Variants in PTPRT observed in about 807,000 individuals in gnomAD.
PTPRT encodes the protein receptor-type tyrosine-protein phosphatase T.
In PTPRT, 56 loss-of-function variants were observed where a neutral mutation model predicts 176.8. The ratio of observed to expected loss-of-function variants is 0.32; its 90% CI spans 0.26 to 0.40. The LOEUF is 0.40. Among genes scored for constraint, PTPRT ranks in the 10% least tolerant of loss-of-function variants. The pLI is 1.00. For synonymous variants in PTPRT, 783 were observed against 739.0 expected, an observed-to-expected ratio of 1.06 and a Z score of -0.96; for missense variants, 1,540 against 1,908.2, an observed-to-expected ratio of 0.81 and a Z score of 3.60.
chr20:43,189,376 G>A lies in PTPRT; in HGVS notation c.88+270C>T, dbSNP rs900555988. Among the ~76,000 whole-genome samples, 5 of 152,202 alleles carry A rather than the reference G, an allele frequency of 3.3e-5. No individual in the cohort carries two copies. Among genetic ancestry groups the A allele is most frequent in the Non-Finnish European group, 7.3e-5 (5 of 68,030 alleles). On this transcript the variant is annotated intron_variant, in intron 1 of 30. Coordinates refer to ENST00000373187, the MANE Select transcript of PTPRT (RefSeq NM_007050.6). The surrounding 1 kb of genome is among the most constrained non-coding windows in gnomAD (Gnocchi z 5.0). ...GAAATATTCGCAACAACCGCGGAAA[G>A]TTACTCCAGCCCGGGGGGCCGGCAG... is the stretch of plus-strand genomic sequence containing the variant.
intron 2 of PTPRT, among the ~76,000 whole-genome samples, chr20:42,878,444 A>G (rs1195779701): frequency 6.6e-6 from 1 of 152,226 alleles, no homozygotes; most frequent in Non-Finnish European, 1.5e-5. Context: ...GCCATCATAA[A>G]TCATGACTGC....
chr20:42,499,103 A>T lies in PTPRT; in HGVS notation c.1154-26541T>A, dbSNP rs1487037745. ...TAGCCTCAAATGGCATTTTAAGGAGATACTCATGACATTTGAACTCACAGC... is the reference window on the plus strand; with the variant it reads ...TAGCCTCAAATGGCATTTTAAGGAGTTACTCATGACATTTGAACTCACAGC... On this transcript the variant is annotated intron_variant, in intron 7 of 30. Coordinates refer to ENST00000373187, the MANE Select transcript of PTPRT (RefSeq NM_007050.6). 9.2e-5 allele frequency among the ~76,000 whole-genome samples: 14 copies of T among 152,044 alleles called. 1 individual carries two copies. Among genetic ancestry groups the T allele is most frequent in the Admixed American group, 9.2e-4 (14 of 15,254 alleles).
intron 2 of PTPRT, among the ~76,000 whole-genome samples, chr20:42,884,312 C>A (rs1013318253): frequency 6.6e-6 from 1 of 152,160 alleles, no homozygotes; most frequent in South Asian, 2.1e-4. Flanking sequence ...TGTATCAACA[C>A]TTTTGAGAAA....
intron 11 of PTPRT, among the ~76,000 whole-genome samples, chr20:42,321,560 T>G (rs747870003): frequency 6.6e-6 from 1 of 152,210 alleles, no homozygotes; most frequent in Non-Finnish European, 1.5e-5. Flanking sequence ...AAAGCATTAA[T>G]ACATAATTAC....
chr20:42,225,028 G>A (rs2055974333), intron 15 of PTPRT, among the ~76,000 whole-genome samples: 1 of 152,126 alleles, frequency 6.6e-6, no homozygotes, highest in South Asian at 2.1e-4. Flanking sequence ...AAATGACATT[G>A]TCTTCCTTTG....
chr20:42,628,152 T>C (rs1480657520), intron 7 of PTPRT, among the ~76,000 whole-genome samples: 1 of 152,130 alleles, frequency 6.6e-6, no homozygotes, highest in South Asian at 2.1e-4. Context: ...TAGGCAACTC[T>C]GGGCCTCCAC....
At chr20:42,472,936 G>A (rs1568911062) in intron 7 of PTPRT, among the ~76,000 whole-genome samples, 1 of 152,040 alleles carries the variant, frequency 6.6e-6, no homozygotes, top group African/African-American at 2.4e-5. Context: ...TTATTTAGAC[G>A]GCTGCTGAGA....
intron 1 of PTPRT, among the ~76,000 whole-genome samples, chr20:43,094,322 G>A (rs779731160): frequency 3.4e-5 from 5 of 149,058 alleles, no homozygotes; most frequent in South Asian, 2.1e-4. Context: ...TCTTGACCTC[G>A]TGATCCACCC....
At chr20:43,122,781 T>C (rs2146362676) in intron 1 of PTPRT, among the ~76,000 whole-genome samples, 1 of 152,350 alleles carries the variant, frequency 6.6e-6, no homozygotes, top group South Asian at 2.1e-4. Context: ...GTACAGCCTG[T>C]ATAACTGTGA....
chr20:43,009,353 C>T (rs531166278), intron 1 of PTPRT, among the ~76,000 whole-genome samples: 1 of 152,296 alleles, frequency 6.6e-6, no homozygotes, highest in Admixed American at 6.5e-5. Flanking sequence ...GGAGGCAGCC[C>T]TCATCCTTGG....
intron 1 of PTPRT, among the ~76,000 whole-genome samples, chr20:43,019,793 G>A (rs1320722689): frequency 6.6e-6 from 1 of 151,776 alleles, no homozygotes; most frequent in African/African-American, 2.4e-5. Context: ...GAGGAAGAGT[G>A]ACGTCTCTGG....
At chr20:42,514,013 C>T (rs2072013002) in intron 7 of PTPRT, among the ~76,000 whole-genome samples, 1 of 152,032 alleles carries the variant, frequency 6.6e-6, no homozygotes, top group Admixed American at 6.6e-5. Flanking sequence ...GTAAATATGA[C>T]AATTTACTTC....
chr20:43,091,430 C>T lies in PTPRT; in HGVS notation c.88+98216G>A, dbSNP rs1458002383. Among the ~76,000 whole-genome samples, 5 of 151,762 alleles carry T rather than the reference C, an allele frequency of 3.3e-5. No individual in the cohort carries two copies. The East Asian group carries it at 9.7e-4, about 29-fold the overall frequency. On this transcript the variant is annotated intron_variant, in intron 1 of 30. Transcript: ENST00000373187. The stretch of plus-strand genomic sequence containing the variant: ...CTCTAGCTTTCTAGAGTCTCTCTCT[C>T]TCTCTCTCTGTATTTCTCTCTCTCT...
chr20:42,167,956 G>A (rs549457478), intron 16 of PTPRT, among the ~76,000 whole-genome samples: 1 of 152,258 alleles, frequency 6.6e-6, no homozygotes, highest in Non-Finnish European at 1.5e-5. Flanking sequence ...TTGAGCAGAA[G>A]CCTTATTGAT....
At chr20:42,582,325 T>C (rs1308051027) in intron 7 of PTPRT, among the ~76,000 whole-genome samples, 1 of 152,040 alleles carries the variant, frequency 6.6e-6, no homozygotes, top group African/African-American at 2.4e-5. Context: ...AACCTCAAAC[T>C]CAGGGTTGGC....
chr20:42,327,546 C>T (rs2057903606), intron 11 of PTPRT, among the ~76,000 whole-genome samples: 1 of 151,950 alleles, frequency 6.6e-6, no homozygotes, highest in South Asian at 2.1e-4. Context: ...TTTGAAGCGT[C>T]ATGGTCACTA....
intron 1 of PTPRT, among the ~76,000 whole-genome samples, chr20:42,926,787 T>C (rs574287783): frequency 6.6e-6 from 1 of 152,120 alleles, no homozygotes; most frequent in Non-Finnish European, 1.5e-5. Context: ...GGGATGCAAT[T>C]AAATAATACA....
At chr20:43,083,217 T>C (rs576610119) in intron 1 of PTPRT, among the ~76,000 whole-genome samples, 1 of 149,864 alleles carries the variant, frequency 6.7e-6, no homozygotes, top group Non-Finnish European at 1.5e-5. Flanking sequence ...TTTTGTTTAT[T>C]GCTCATTGTG....
chr20:42,777,211 GACAA>G (rs914998350), intron 4 of PTPRT, among the ~76,000 whole-genome samples: 6 of 152,088 alleles, frequency 3.9e-5, no homozygotes, highest in East Asian at 1.9e-4. Flanking sequence ...CCTGCCCTTA[GACAA>G]ACATTTAAAC....
Sources: gnomAD v4.1 joint callset for allele counts (sites outside exome capture counted in the v4.1 genomes callset) on GRCh38, gnomAD v4.1.1 for gene constraint, Gnocchi (gnomAD v3.1) non-coding constraint, MANE v1.5 for transcripts, NCBI Gene and HGNC (gene_info 2026-07-23, HGNC 2026-07-21) for gene names.